NAV2: variants seen among roughly 807,000 people sequenced by gnomAD.
The protein encoded by NAV2 is helicase, APC down-regulated 1.
NAV2 carries 54 observed loss-of-function variants against 223.2 expected under a neutral mutation model. That is an observed-to-expected ratio of 0.24 (90% CI 0.19 to 0.30). NAV2 has a LOEUF of 0.30. NAV2 is among the 10% of genes least tolerant of loss of function. NAV2 has a pLI of 1.00. For synonymous variants in NAV2, 1,279 were observed against 1,239.3 expected, an observed-to-expected ratio of 1.03 and a Z score of -0.67; for missense variants, 2,806 against 3,147.5, an observed-to-expected ratio of 0.89 and a Z score of 2.60.
chr11:19,649,426 A>G, intron 1 of NAV2, among the ~76,000 whole-genome samples: 1 of 152,242 alleles, frequency 6.6e-6, no homozygotes, highest in East Asian at 1.9e-4. Context: ...TGAATGGCAT[A>G]TAAACAACAA....
chr11:20,084,104 G>A (rs777563550), intron 26 of NAV2, among the ~76,000 whole-genome samples: 1 of 152,096 alleles, frequency 6.6e-6, no homozygotes, highest in Non-Finnish European at 1.5e-5. Flanking sequence ...TTTTGGTTTT[G>A]GTTTTGTTTT....
chr11:19,965,357 A>C (rs75866299), intron 10 of NAV2, among the ~76,000 whole-genome samples: 1,556 of 152,060 alleles, frequency 0.01, 23 homozygotes, highest in South Asian at 0.034. Flanking sequence ...TCTTTCCCCC[A>C]AACCTGTTTT....
chr11:19,769,938 C>G (rs1456694881), intron 1 of NAV2, among the ~76,000 whole-genome samples: 1 of 152,112 alleles, frequency 6.6e-6, no homozygotes, highest in Non-Finnish European at 1.5e-5. Flanking sequence ...TAACCTTAAT[C>G]CCTAGTGACC....
intron 1 of NAV2, among the ~76,000 whole-genome samples, chr11:19,475,513 T>G (rs1050850114): frequency 6.6e-6 from 1 of 152,218 alleles, no homozygotes; most frequent in Non-Finnish European, 1.5e-5. Context: ...TTTGTTTGGA[T>G]TACAGGCTGG....
intron 1 of NAV2, among the ~76,000 whole-genome samples, chr11:19,618,278 ATGGATGGATTGCTGGC>A (rs1156383653): frequency 1.3e-5 from 2 of 150,960 alleles, no homozygotes; most frequent in African/African-American, 2.4e-5. Flanking sequence ...GGATGGATCA[ATGGATGGATTGCTGGC>A]TGGATGGATT....
intron 1 of NAV2, among the ~76,000 whole-genome samples, chr11:19,799,449 A>G (rs1299613718): frequency 6.6e-6 from 1 of 152,132 alleles, no homozygotes; most frequent in African/African-American, 2.4e-5. Context: ...AGTGGATCTT[A>G]GTGTGGGCAG....
intron 1 of NAV2, among the ~76,000 whole-genome samples, chr11:19,432,504 C>A (rs1318161030): frequency 1.3e-5 from 2 of 152,114 alleles, no homozygotes; most frequent in Admixed American, 6.5e-5. Flanking sequence ...GGGAAAAAAA[C>A]CACAAATGGC....
chr11:19,400,133 A>G (rs1184447380), intron 1 of NAV2, among the ~76,000 whole-genome samples: 6 of 152,198 alleles, frequency 3.9e-5, no homozygotes, highest in Admixed American at 2.6e-4. Flanking sequence ...AAGTGTGAAT[A>G]AGGGGTAGGC....
chr11:19,720,640 A>G (rs2050678099), intron 1 of NAV2, among the ~76,000 whole-genome samples: 1 of 152,230 alleles, frequency 6.6e-6, no homozygotes, highest in Admixed American at 6.5e-5. Flanking sequence ...ACTCATGGCA[A>G]TGTGGCACTT....
intron 1 of NAV2, among the ~76,000 whole-genome samples, chr11:19,528,198 A>C (rs775221931): frequency 3.3e-5 from 5 of 152,124 alleles, no homozygotes; most frequent in East Asian, 1.9e-4. Context: ...CCATGGAGGG[A>C]CAAAGGGAAA....
intron 1 of NAV2, among the ~76,000 whole-genome samples, chr11:19,549,626 C>A (rs768508939): frequency 6.6e-6 from 1 of 152,338 alleles, no homozygotes; most frequent in African/African-American, 2.4e-5. Context: ...CTCAAAAGGA[C>A]CCCAGCTCAG....
At chr11:19,544,420 C>A (rs2044429050) in intron 1 of NAV2, among the ~76,000 whole-genome samples, 1 of 152,146 alleles carries the variant, frequency 6.6e-6, no homozygotes. Flanking sequence ...TGGTCAGTAC[C>A]CCAGTTAGTA....
chr11:19,770,561 C>T (rs1318556796), intron 1 of NAV2, among the ~76,000 whole-genome samples: 1 of 152,162 alleles, frequency 6.6e-6, no homozygotes, highest in African/African-American at 2.4e-5. Context: ...AAATAAATTC[C>T]AGAGGCACCT....
chr11:19,462,310 A>G (rs1384484444), intron 1 of NAV2, among the ~76,000 whole-genome samples: 1 of 152,190 alleles, frequency 6.6e-6, no homozygotes, highest in African/African-American at 2.4e-5. Flanking sequence ...AGCTTCCAGG[A>G]GGTACAACTA....
chr11:20,058,974 G>A (rs1480805753), intron 19 of NAV2, among the ~76,000 whole-genome samples: 1 of 152,100 alleles, frequency 6.6e-6, no homozygotes, highest in East Asian at 1.9e-4. Context: ...TGAGGCAAAA[G>A]TGACTTGAAG....
intron 10 of NAV2, among the ~76,000 whole-genome samples, chr11:19,963,448 G>T (rs560031278): frequency 6.6e-6 from 1 of 152,276 alleles, no homozygotes; most frequent in Non-Finnish European, 1.5e-5. Context: ...ATATATGGAA[G>T]GCAAGACCAA....
chr11:19,723,529 T>G (rs1363588960), intron 1 of NAV2, among the ~76,000 whole-genome samples: 2 of 152,206 alleles, frequency 1.3e-5, no homozygotes, highest in Non-Finnish European at 2.9e-5. Context: ...CAGACCCTCC[T>G]CTTCTTGGAG....
At chr11:19,572,254 G>A (rs1194626989) in intron 1 of NAV2, among the ~76,000 whole-genome samples, 1 of 152,204 alleles carries the variant, frequency 6.6e-6, no homozygotes, top group Non-Finnish European at 1.5e-5. Context: ...TCCAGGGTCC[G>A]TGTCGCTGAA....
At chr11:20,078,629 A>G (rs576585581) in intron 24 of NAV2, among the ~76,000 whole-genome samples, 7 of 152,082 alleles carry the variant, frequency 4.6e-5, no homozygotes, top group East Asian at 3.9e-4. Flanking sequence ...TGGCTAATTT[A>G]TGTATTCTTA....
Sources: allele counts gnomAD v4.1 joint callset (sites outside exome capture counted in the v4.1 genomes callset), GRCh38; gene constraint gnomAD v4.1.1; transcripts MANE v1.5; gene names NCBI Gene and HGNC (gene_info 2026-07-23, HGNC 2026-07-21).